Variants in PC observed in about 807,000 individuals in gnomAD.
PC encodes the protein pyruvate carboxylase, mitochondrial.
Under a neutral mutation model 107.8 loss-of-function variants are expected in PC, and 46 were observed. The ratio of observed to expected loss-of-function variants is 0.43; its 90% CI spans 0.34 to 0.55. The LOEUF (loss-of-function observed/expected upper bound fraction) is 0.55, where lower values mean the gene tolerates loss of function less well. Ranked by LOEUF, PC falls within the 20% of genes least tolerant of loss-of-function variation. PC has a pLI of 0.04. For missense variants in PC, 1,241 were observed against 1,643.1 expected (o/e 0.76, Z 4.23); for synonymous variants, 662 against 684.7 (o/e 0.97, Z 0.52).
intron 3 of PC, among the ~76,000 whole-genome samples, chr11:66,918,983 AC>A (rs748345658): frequency 6.6e-6 from 1 of 152,118 alleles, no homozygotes; most frequent in Non-Finnish European, 1.5e-5. Context: ...AGTTTCCAGC[AC>A]CCATATCAAC....
At position 66,852,130 on chromosome 11, in the gene PC, C is replaced by T. The variant is rs1325896140; in HGVS notation, c.1826-184G>A. On this transcript the variant is annotated intron_variant, in intron 15 of 22. Coordinates refer to ENST00000393960, the MANE Select transcript of PC (RefSeq NM_001040716.2). This position sits in a 1 kb window ranked among gnomAD's most constrained non-coding sequence, Gnocchi z 4.7. ...CCTTGTCTGATCTCTAAGGGGGAGACCAGGCTCATTTGTGTCCCTTCTATG... is the reference window on the plus strand; with the variant it reads ...CCTTGTCTGATCTCTAAGGGGGAGATCAGGCTCATTTGTGTCCCTTCTATG... Among the ~76,000 whole-genome samples, 3 of 152,208 alleles carry T rather than the reference C, an allele frequency of 2.0e-5. No individual in the cohort carries two copies. Among genetic ancestry groups the T allele is most frequent in the Non-Finnish European group, 4.4e-5 (3 of 68,032 alleles).
chr11:66,873,527 A>G (rs1451828641), intron 3 of PC, among the ~76,000 whole-genome samples: 1 of 97,874 alleles, frequency 1.0e-5, no homozygotes, highest in Non-Finnish European at 1.9e-5. Flanking sequence ...ATTATATATT[A>G]TAATATATAT....
In PC at chr11:66,879,399, A is replaced by G. The variant is rs190003206; in HGVS notation, c.1-7240T>C. Among the ~76,000 whole-genome samples, 6 of 152,344 alleles carry G rather than the reference A, an allele frequency of 3.9e-5. No individual in the cohort carries two copies. The East Asian group carries it at 9.6e-4, about 24-fold the overall frequency. ...TGTCCCCAACATTCCTCTGCAAAGG[A>G]AGACCCACCCCAAACAAAAGTAGTT... On this transcript the variant is annotated intron_variant, in intron 3 of 22. Coordinates refer to ENST00000393960, the MANE Select transcript of PC (RefSeq NM_001040716.2).
Position 66,857,759 on chromosome 11 carries a change from CCTGCTG to C in PC, c.1369-4382_1369-4377del, listed in dbSNP as rs752774479. The C allele has an allele frequency of 3.1e-6, 5 of 1,592,918 alleles. No individual in the cohort carries two copies. Among genetic ancestry groups the C allele is most frequent in the East Asian group, 2.2e-5 (1 of 44,678 alleles). ...GGGCGCTCACCATGGCCCCGCCGCT[CCTGCTG>C]CTGCTGCTGGCCAGTGGAGCGGCCG... On this transcript the variant is annotated intron_variant, in intron 12 of 22. Transcript: ENST00000393960. The surrounding 1 kb of genome is among the most constrained non-coding windows in gnomAD (Gnocchi z 7.1).
chr11:66,849,972 G>A lies in PC; in HGVS notation c.2863C>T (p.Pro955Ser). The change falls in exon 20 of 23, where the codon CCC (proline) becomes TCC (serine). Residue 955 changes from proline to serine, a missense_variant. Around this residue, in one of 2 missense-constraint regions of PC, gnomAD observed 1,143 missense variants for 1,551.9 expected, o/e 0.74. Coordinates refer to ENST00000393960, the MANE Select transcript of PC (RefSeq NM_001040716.2). ...AAGGGTTCGGGGAACCCCCCATGGGGGACACCGATGTAGCCCTGCAGGAAC... is the reference window on the plus strand; with the variant it reads ...AAGGGTTCGGGGAACCCCCCATGGGAGACACCGATGTAGCCCTGCAGGAAC... ...VEFLQGYIGV[P>S]HGGFPEPFRS... The A allele has an allele frequency of 6.2e-7, 1 of 1,613,632 alleles. No individual in the cohort carries two copies. The highest frequency in any genetic ancestry group is 8.5e-7 in the Non-Finnish European group (1 of 1,180,042).
At chr11:66,884,824 G>A (rs749437446) in intron 3 of PC, among the ~76,000 whole-genome samples, 1 of 152,214 alleles carries the variant, frequency 6.6e-6, no homozygotes, top group Admixed American at 6.5e-5. Flanking sequence ...TTTCAGGGCT[G>A]CGAGGGGCGA....
At chr11:66,941,541 G>C (rs1393257968) in intron 3 of PC, among the ~76,000 whole-genome samples, 1 of 152,118 alleles carries the variant, frequency 6.6e-6, no homozygotes, top group Non-Finnish European at 1.5e-5. Context: ...GCCCAGGCTG[G>C]AGTGCAGTGG....
At chr11:66,899,339 A>C (rs1029488861) in intron 3 of PC, among the ~76,000 whole-genome samples, 2 of 152,174 alleles carry the variant, frequency 1.3e-5, no homozygotes, top group Non-Finnish European at 2.9e-5. Flanking sequence ...GGTATGTGCC[A>C]CACGATGTTG....
Position 66,858,490 on chromosome 11 carries a change from C to T in PC, c.1369-5107G>A, listed in dbSNP as rs765499702. On this transcript the variant is annotated intron_variant, in intron 12 of 22. Transcript: ENST00000393960. This position sits in a 1 kb window ranked among gnomAD's most constrained non-coding sequence, Gnocchi z 5.9. ...GAGCTGCTGTGGCTGCGGCGGCTGG[C>T]GCGGCCGGACGACCTGGAAACGTGC... 20 of 1,538,420 alleles carry T rather than the reference C, an allele frequency of 1.3e-5. No homozygotes were observed. The highest frequency in any genetic ancestry group is 1.7e-4 in the Middle Eastern group (1 of 6,006).
Position 66,872,585 on chromosome 11 carries a change from AT to A in PC, c.1-427del, listed in dbSNP as rs376023536. Among the ~76,000 whole-genome samples, 200 of 152,000 alleles carry A rather than the reference AT, an allele frequency of 1.3e-3. 5 individuals are homozygous for A. The South Asian group carries it at 0.04, about 31-fold the overall frequency. The stretch of plus-strand genomic sequence containing the variant: ...CTACTAAAAATACAAAAAAAAAAAA[AT>A]TAGCCGGGCGTGGTGGCGGGCATCT... On this transcript the variant is annotated intron_variant, in intron 3 of 22. Transcript: ENST00000393960.
At chr11:66,899,271 T>C (rs895358949) in intron 3 of PC, among the ~76,000 whole-genome samples, 2 of 152,210 alleles carry the variant, frequency 1.3e-5, no homozygotes, top group Non-Finnish European at 2.9e-5. Context: ...CGTGTTGTGG[T>C]GTGTGCCAGT....
In PC at chr11:66,871,221, A is replaced by C. The variant is rs2135939691; in HGVS notation, c.488-24T>G. The C allele has an allele frequency of 6.2e-7, 1 of 1,612,634 alleles. No individual in the cohort carries two copies. Among genetic ancestry groups the C allele is most frequent in the Non-Finnish European group, 8.5e-7 (1 of 1,179,016 alleles). ...ACCTGTTGGGAGAAAGGTGTGGGGG[A>C]GTCTCTGTAACAGGCGGGAATCCCT... On this transcript the variant is annotated intron_variant, in intron 6 of 22. Coordinates refer to ENST00000393960, the MANE Select transcript of PC (RefSeq NM_001040716.2). The surrounding 1 kb of genome is among the most constrained non-coding windows in gnomAD (Gnocchi z 7.4).
intron 3 of PC, among the ~76,000 whole-genome samples, chr11:66,927,820 G>A (rs1948755863): frequency 6.6e-6 from 1 of 152,072 alleles, no homozygotes; most frequent in African/African-American, 2.4e-5. Flanking sequence ...CTCAAGGGGA[G>A]AGGGTAGTAA....
chr11:66,893,539 A>G (rs947026479), intron 3 of PC, among the ~76,000 whole-genome samples: 4 of 152,226 alleles, frequency 2.6e-5, no homozygotes, highest in African/African-American at 2.4e-5. Context: ...GGTAGTTCCA[A>G]TGACATTCTG....
At chr11:66,891,066 T>C (rs919843001) in intron 3 of PC, among the ~76,000 whole-genome samples, 2 of 152,094 alleles carry the variant, frequency 1.3e-5, no homozygotes, top group Non-Finnish European at 2.9e-5. Flanking sequence ...TTTTTTGTTT[T>C]TGTTTTTGTT....
intron 11 of PC, among the ~76,000 whole-genome samples, chr11:66,865,874 C>T (rs1256378675): frequency 6.6e-6 from 1 of 152,154 alleles, no homozygotes; most frequent in Non-Finnish European, 1.5e-5. Flanking sequence ...CGTGGGGCTC[C>T]TGTGGGAGCT....
intron 3 of PC, among the ~76,000 whole-genome samples, chr11:66,930,679 T>A (rs1948824001): frequency 6.8e-6 from 1 of 147,628 alleles, no homozygotes; most frequent in Admixed American, 6.8e-5. Flanking sequence ...GAGTCAGAGG[T>A]TGTAGTGAGC....
intron 10 of PC, among the ~76,000 whole-genome samples, chr11:66,868,035 AT>A (rs1300335283): frequency 1.3e-5 from 2 of 152,242 alleles, no homozygotes; most frequent in Non-Finnish European, 2.9e-5. Flanking sequence ...CATGACTGTC[AT>A]TTAGAAACCA....
At chr11:66,900,401 A>C (rs1356254553) in intron 3 of PC, among the ~76,000 whole-genome samples, 1 of 152,004 alleles carries the variant, frequency 6.6e-6, no homozygotes, top group African/African-American at 2.4e-5. Flanking sequence ...TGACCTCATG[A>C]TCCGCCCGCC....
Sources: gnomAD v4.1 joint callset for allele counts (sites outside exome capture counted in the v4.1 genomes callset) on GRCh38, gnomAD v4.1.1 for gene constraint, gnomAD v4.1.1 regional missense constraint, Gnocchi (gnomAD v3.1) non-coding constraint, MANE v1.5 for transcripts, NCBI Gene and HGNC (gene_info 2026-07-23, HGNC 2026-07-21) for gene names.